AP1S3: variants seen among roughly 807,000 people sequenced by gnomAD.
The protein encoded by AP1S3 is adaptor related protein complex 1 subunit sigma 3.
AP1S3 carries 10 observed loss-of-function variants against 20.9 expected under a neutral mutation model. The observed-to-expected ratio is 0.48, with a 90% CI of 0.29 to 0.81. The LOEUF (loss-of-function observed/expected upper bound fraction) is 0.81. AP1S3 is among the 30% of genes least tolerant of loss of function. AP1S3 has a pLI of 0.08. For missense variants in AP1S3, 154 were observed against 183.8 expected, an observed-to-expected ratio of 0.84 and a Z score of 0.94; for synonymous variants, 41 against 61.5, an observed-to-expected ratio of 0.67 and a Z score of 1.56.
chr2:223,807,546 G>A (rs1018946134), intron 1 of AP1S3, among the ~76,000 whole-genome samples: 10 of 152,312 alleles, frequency 6.6e-5, no homozygotes, highest in African/African-American at 2.2e-4. Flanking sequence ...CAGTGTCAGA[G>A]GTGGCCTGGT....
intron 1 of AP1S3, among the ~76,000 whole-genome samples, chr2:223,831,959 C>T (rs1363323846): frequency 6.6e-6 from 1 of 151,914 alleles, no homozygotes; most frequent in Non-Finnish European, 1.5e-5. Context: ...AGCCTGTAGT[C>T]CCAGCTACTC....
Position 223,777,715 on chromosome 2 carries a change from T to C in AP1S3, c.158A>G (p.Lys53Arg). Reference protein sequence around the residue: ...GHRTSSFVDWKELKLVYKRYA... With the variant: ...GHRTSSFVDWRELKLVYKRYA... ...CCTTTTATAAACAAGTTTTAGCTCC[T>C]TCCAGTCAACAAAACTGCTTGTCCT... Residue 53 changes from lysine to arginine, a missense_variant, in exon 2 of 5, where the codon AAG becomes AGG. By Grantham distance (26) the Lys-to-Arg change is conservative. Coordinates refer to ENST00000396654, the MANE Select transcript of AP1S3 (RefSeq NM_001039569.2). The C allele has an allele frequency of 6.2e-7, 1 of 1,613,408 alleles. No individual in the cohort carries two copies. Among genetic ancestry groups the C allele is most frequent in the East Asian group, 2.2e-5 (1 of 44,866 alleles).
intron 1 of AP1S3, among the ~76,000 whole-genome samples, chr2:223,787,865 G>T (rs1330936704): frequency 6.6e-6 from 1 of 152,090 alleles, no homozygotes; most frequent in Non-Finnish European, 1.5e-5. Flanking sequence ...GCTTGCTCCG[G>T]CCCCCAGAGT....
chr2:223,770,040 G>A (rs1303623695), intron 3 of AP1S3, among the ~76,000 whole-genome samples: 1 of 151,964 alleles, frequency 6.6e-6, no homozygotes, highest in Non-Finnish European at 1.5e-5. Flanking sequence ...CATCGCGCCC[G>A]GCCGCGATCC....
chr2:223,769,431 T>C (rs1410054162), intron 3 of AP1S3, among the ~76,000 whole-genome samples: 4 of 152,264 alleles, frequency 2.6e-5, no homozygotes, highest in Non-Finnish European at 4.4e-5. Flanking sequence ...TGCATTTCCC[T>C]GCTTATTAGT....
chr2:223,805,421 G>A (rs1321694935), intron 1 of AP1S3, among the ~76,000 whole-genome samples: 1 of 151,966 alleles, frequency 6.6e-6, no homozygotes, highest in African/African-American at 2.4e-5. Context: ...CCAGCCTGGT[G>A]ACAGAAGCGA....
chr2:223,775,987 A>T lies in AP1S3; in HGVS notation c.205T>A (p.Cys69Ser). 1 of 1,614,050 alleles carries T rather than the reference A, an allele frequency of 6.2e-7. No individual in the cohort carries two copies. Among genetic ancestry groups the T allele is most frequent in the Non-Finnish European group, 8.5e-7 (1 of 1,179,916 alleles). Residue 69 changes from cysteine (C) to serine (S), a missense_variant, in exon 3 of 5, where the codon TGT becomes AGT. Physicochemically the swap from Cys to Ser is moderately radical, Grantham distance 112 (BLOSUM62 -1). Coordinates refer to ENST00000396654, the MANE Select transcript of AP1S3 (RefSeq NM_001039569.2). ...YKRYASLYFC[C>S]AIENQDNELL... ...TCATTGTCCTGATTTTCTATTGCAC[A>T]GCAAAAATATAAACTAGCATACCTT...
At chr2:223,828,044 A>G in intron 1 of AP1S3, among the ~76,000 whole-genome samples, 1 of 132,814 alleles carries the variant, frequency 7.5e-6, no homozygotes, top group East Asian at 2.5e-4. Flanking sequence ...GGGGTACAAG[A>G]GCAAGACTTC....
Position 223,758,457 on chromosome 2 carries a change from G to A in AP1S3, c.*258C>T, listed in dbSNP as rs1373309899. ...ATACATTACAAATATTGTCTGTTGGGTTAGGTGGTAGTTACTTTAAACATT... is the reference window on the plus strand; with the variant it reads ...ATACATTACAAATATTGTCTGTTGGATTAGGTGGTAGTTACTTTAAACATT... On this transcript the variant is annotated 3_prime_UTR_variant, in exon 5 of 5. Coordinates refer to ENST00000396654, the MANE Select transcript of AP1S3 (RefSeq NM_001039569.2). The A allele has an allele frequency of 2.7e-5, 32 of 1,171,582 alleles. No homozygotes were observed. The highest frequency in any genetic ancestry group is 3.5e-4 in the Middle Eastern group (1 of 2,878). The allele number at this position is 1,171,582 out of a possible 1,614,324, so 72.6% of individuals were successfully genotyped here. A position where few individuals can be genotyped will look rare whatever the true frequency, so the allele number is the denominator to read the frequency against.
intron 1 of AP1S3, among the ~76,000 whole-genome samples, chr2:223,780,332 G>T (rs1463672143): frequency 1.2e-4 from 15 of 122,842 alleles, no homozygotes; most frequent in African/African-American, 4.1e-4. Context: ...GAGAGAGAGA[G>T]AGAGAGAGAG....
chr2:223,792,929 T>C (rs1670476839), intron 1 of AP1S3, among the ~76,000 whole-genome samples: 1 of 152,036 alleles, frequency 6.6e-6, no homozygotes, highest in Non-Finnish European at 1.5e-5. Flanking sequence ...GAACAGATAC[T>C]TGTCAAAAGA....
intron 1 of AP1S3, among the ~76,000 whole-genome samples, chr2:223,800,265 G>A (rs138011990): frequency 4.0e-5 from 6 of 151,672 alleles, no homozygotes; most frequent in African/African-American, 1.2e-4. Flanking sequence ...AAGTATGATG[G>A]CTCATATCTG....
chr2:223,812,556 A>G (rs1157115175), intron 1 of AP1S3, among the ~76,000 whole-genome samples: 2 of 152,088 alleles, frequency 1.3e-5, no homozygotes, highest in African/African-American at 4.8e-5. Flanking sequence ...CAGAGCAGTA[A>G]ATTTTGGTTC....
intron 1 of AP1S3, among the ~76,000 whole-genome samples, chr2:223,788,360 C>T (rs1419607586): frequency 2.0e-5 from 3 of 152,024 alleles, no homozygotes; most frequent in Non-Finnish European, 4.4e-5. Flanking sequence ...CGCCTGTAAT[C>T]CCAGCACTCT....
At chr2:223,822,599 G>T (rs906054793) in intron 1 of AP1S3, among the ~76,000 whole-genome samples, 1 of 151,912 alleles carries the variant, frequency 6.6e-6, no homozygotes, top group Non-Finnish European at 1.5e-5. Flanking sequence ...CAGGAGAATC[G>T]CTTTAACCTG....
chr2:223,759,299 G>C (rs987931223), intron 4 of AP1S3, among the ~76,000 whole-genome samples: 1 of 140,868 alleles, frequency 7.1e-6, no homozygotes, highest in African/African-American at 2.5e-5. Flanking sequence ...AAAAAAAAGA[G>C]AGAGAGAGAG....
intron 3 of AP1S3, among the ~76,000 whole-genome samples, chr2:223,770,532 C>CACA (rs60585278): frequency 0.042 from 3,807 of 89,832 alleles, 71 homozygotes; most frequent in Middle Eastern, 0.13. Context: ...ACACACACAC[C>CACA]CCTTGATATA....
At position 223,756,943 on chromosome 2, in the gene AP1S3, C is replaced by T; in HGVS notation, c.*1772G>A. ...CATTGAAAATGCACAGGTAAAACAT[C>T]AAATAGCAGGCAGCAAGACAGAATA... is the stretch of plus-strand genomic sequence containing the variant. On this transcript the variant is annotated 3_prime_UTR_variant, in exon 5 of 5. Transcript: ENST00000396654. 7 of 984,062 alleles carry T rather than the reference C, an allele frequency of 7.1e-6. No homozygotes were observed. The highest frequency in any genetic ancestry group is 8.4e-6 in the Non-Finnish European group (7 of 829,242). The allele number at this position is 984,062 out of a possible 1,614,324, so 61.0% of individuals were successfully genotyped here.
intron 1 of AP1S3, among the ~76,000 whole-genome samples, chr2:223,800,403 A>G (rs538252032): frequency 6.6e-6 from 1 of 152,110 alleles, no homozygotes; most frequent in Non-Finnish European, 1.5e-5. Context: ...ATGGTGACGC[A>G]CACTTGTAGT....
Sources: allele counts gnomAD v4.1 joint callset (sites outside exome capture counted in the v4.1 genomes callset), GRCh38; gene constraint gnomAD v4.1.1; transcripts MANE v1.5; gene names NCBI Gene and HGNC (gene_info 2026-07-23, HGNC 2026-07-21).